The following GAB2 variants were observed in gnomAD, a reference collection of about 807,000 sequenced individuals.
GAB2 encodes the protein GRB2 associated binding protein 2.
In GAB2, 26 loss-of-function variants were observed where a neutral mutation model predicts 65.5. That is an observed-to-expected ratio of 0.40 (90% CI 0.29 to 0.55). The LOEUF (loss-of-function observed/expected upper bound fraction) is 0.55, where lower values mean the gene tolerates loss of function less well. GAB2 is among the 20% of genes least tolerant of loss of function. The probability of loss-of-function intolerance (pLI) is 0.53; values close to 1 mark genes in which losing one functional copy is unlikely to be tolerated. For missense variants in GAB2, 884 were observed against 875.8 expected (o/e 1.01, Z -0.12); for synonymous variants, 321 against 329.6 (o/e 0.97, Z 0.28).
intron 1 of GAB2, among the ~76,000 whole-genome samples, chr11:78,365,190 T>C (rs1856481685): frequency 6.6e-6 from 1 of 152,092 alleles, no homozygotes; most frequent in African/African-American, 2.4e-5. Context: ...GACAAGAAAA[T>C]GAAATCTCAG....
At chr11:78,250,033 A>G (rs938381124) in intron 3 of GAB2, 124 bp downstream of exon 3, 23 of 1,003,410 alleles carry the variant, frequency 2.3e-5, no homozygotes, top group East Asian at 1.4e-4. Flanking sequence ...ATGTTTTGTC[A>G]TAGACGTGTT....
chr11:78,328,968 G>T (rs1206949092), intron 1 of GAB2, among the ~76,000 whole-genome samples: 1 of 152,164 alleles, frequency 6.6e-6, no homozygotes, highest in Non-Finnish European at 1.5e-5. Flanking sequence ...TCTAGGGAAT[G>T]ATATGCATGC....
intron 1 of GAB2, among the ~76,000 whole-genome samples, chr11:78,380,417 G>A (rs530645609): frequency 3.9e-5 from 6 of 152,162 alleles, no homozygotes; most frequent in Non-Finnish European, 8.8e-5. Flanking sequence ...CGTTGGCCAG[G>A]ATGGTCTCAA....
rs1301580021 is a variant in GAB2 at position 78,219,095 on chromosome 11, T to C, written c.*177A>G. ...CGAGTGGGCAGAGGAGGTGCCTTGA[T>C]CAGGCCCTCACCTCCCAGGGGAAGG... On this transcript the variant is annotated 3_prime_UTR_variant, in exon 10 of 10. Transcript: ENST00000361507. The C allele has an allele frequency of 1.6e-6, 1 of 610,278 alleles. No individual in the cohort carries two copies. Among genetic ancestry groups the C allele is most frequent in the South Asian group, 2.2e-5 (1 of 45,480 alleles). The allele number at this position is 610,278 out of a possible 1,614,324, so 37.8% of individuals were successfully genotyped here. A position where few individuals can be genotyped will look rare whatever the true frequency, so the allele number is the denominator to read the frequency against.
intron 1 of GAB2, among the ~76,000 whole-genome samples, chr11:78,416,369 CAG>C: frequency 1.3e-5 from 2 of 152,336 alleles, no homozygotes; most frequent in Non-Finnish European, 2.9e-5. Flanking sequence ...CTTTGAAAAA[CAG>C]AATGTCACTT....
intron 2 of GAB2, among the ~76,000 whole-genome samples, chr11:78,252,029 A>G (rs1304379342): frequency 6.6e-6 from 1 of 152,256 alleles, no homozygotes; most frequent in East Asian, 1.9e-4. Flanking sequence ...GCAGTATGAT[A>G]GCTGGTGGGT....
intron 1 of GAB2, among the ~76,000 whole-genome samples, chr11:78,316,817 A>C (rs917346447): frequency 6.6e-6 from 1 of 152,230 alleles, no homozygotes; most frequent in South Asian, 2.1e-4. Context: ...GCAGGAACAC[A>C]AACGGAATAT....
intron 1 of GAB2, among the ~76,000 whole-genome samples, chr11:78,356,501 T>G (rs1057153436): frequency 5.3e-5 from 8 of 152,232 alleles, no homozygotes; most frequent in Admixed American, 3.3e-4. Flanking sequence ...GAATCTTCCC[T>G]TTTTAGCATC....
intron 3 of GAB2, among the ~76,000 whole-genome samples, chr11:78,237,362 A>T (rs1394851256): frequency 1.3e-5 from 2 of 152,248 alleles, no homozygotes; most frequent in East Asian, 3.8e-4. Context: ...AATAAAAAGG[A>T]ACAAACTAAT....
rs1229920430 is a variant in GAB2 at position 78,226,658 on chromosome 11, G to A, written c.1014C>T (p.Ala338=). ...RTFTLDKNHN[A]MTVATPGDSA... is the part of the protein sequence containing the mutation. ...AGTCCCCAGGAGTGGCCACTGTCAT[G>A]GCATTGTGGTTTTTGTCCAGAGTGA... is the stretch of plus-strand genomic sequence containing the variant. The change falls in exon 4 of 10, where the codon GCC becomes GCT. Residue 338 remains alanine (A), a synonymous_variant. Coordinates refer to ENST00000361507, the MANE Select transcript of GAB2 (RefSeq NM_080491.3). 3 of 1,613,954 alleles carry A rather than the reference G, an allele frequency of 1.9e-6. No individual in the cohort carries two copies. Among genetic ancestry groups the A allele is most frequent in the Non-Finnish European group, 2.5e-6 (3 of 1,179,964 alleles).
At chr11:78,367,878 G>A (rs1856518399) in intron 1 of GAB2, among the ~76,000 whole-genome samples, 1 of 142,344 alleles carries the variant, frequency 7.0e-6, no homozygotes, top group South Asian at 2.2e-4. Context: ...AGGCAGTGGC[G>A]CTATCTCTGC....
At chr11:78,339,915 T>C (rs1349277152) in intron 1 of GAB2, among the ~76,000 whole-genome samples, 1 of 152,230 alleles carries the variant, frequency 6.6e-6, no homozygotes, top group Non-Finnish European at 1.5e-5. Context: ...TCTACAAATG[T>C]GAACAATCAG....
chr11:78,289,465 G>A (rs988830006), intron 1 of GAB2, among the ~76,000 whole-genome samples: 1 of 152,144 alleles, frequency 6.6e-6, no homozygotes, highest in African/African-American at 2.4e-5. Context: ...AAATCAACAA[G>A]CTCCTTGTAT....
intron 1 of GAB2, among the ~76,000 whole-genome samples, chr11:78,331,519 A>G (rs1855913654): frequency 6.6e-6 from 1 of 152,204 alleles, no homozygotes; most frequent in East Asian, 1.9e-4. Context: ...TGCTGGGATT[A>G]CAGGCGTGAG....
intron 1 of GAB2, among the ~76,000 whole-genome samples, chr11:78,313,103 T>C (rs1189758909): frequency 6.6e-6 from 1 of 152,236 alleles, no homozygotes; most frequent in Non-Finnish European, 1.5e-5. Context: ...CTAAGATTCA[T>C]GAAGAAGGTG....
At chr11:78,291,518 G>A (rs183900938) in intron 1 of GAB2, among the ~76,000 whole-genome samples, 10 of 138,126 alleles carry the variant, frequency 7.2e-5, no homozygotes, top group African/African-American at 2.4e-4. Flanking sequence ...GACTACCTAA[G>A]GTCTATTCTC....
intron 1 of GAB2, among the ~76,000 whole-genome samples, chr11:78,336,931 T>C (rs982201537): frequency 6.6e-6 from 1 of 152,264 alleles, no homozygotes; most frequent in Non-Finnish European, 1.5e-5. Context: ...TAGTCATTTC[T>C]ATTTCTAAAA....
At chr11:78,396,402 G>T (rs1856895224) in intron 1 of GAB2, among the ~76,000 whole-genome samples, 1 of 152,192 alleles carries the variant, frequency 6.6e-6, no homozygotes, top group African/African-American at 2.4e-5. Context: ...ATATATAATT[G>T]TGGGAGAGCT....
chr11:78,260,437 C>T (rs1436269560), intron 2 of GAB2, among the ~76,000 whole-genome samples: 2 of 152,078 alleles, frequency 1.3e-5, no homozygotes, highest in African/African-American at 4.8e-5. Context: ...ATGGAAATGC[C>T]TTGTCTCCCT....
Sources: allele counts gnomAD v4.1 joint callset (sites outside exome capture counted in the v4.1 genomes callset), GRCh38; gene constraint gnomAD v4.1.1; transcripts MANE v1.5; gene names NCBI Gene and HGNC (gene_info 2026-07-23, HGNC 2026-07-21).